Variants in OXSM observed in about 807,000 individuals in gnomAD.
The protein encoded by OXSM is 3-oxoacyl-[acyl-carrier-protein] synthase, mitochondrial.
OXSM carries 19 observed loss-of-function variants against 29.2 expected under a neutral mutation model. That is an observed-to-expected ratio of 0.65 (90% CI 0.45 to 0.96). OXSM has a LOEUF of 0.96. Ranked by LOEUF, OXSM falls within the 40% of genes least tolerant of loss-of-function variation. OXSM has a pLI of 0.00. For missense variants in OXSM, 554 were observed against 551.3 expected (o/e 1.00, Z -0.05); for synonymous variants, 178 against 197.1 (o/e 0.90, Z 0.81).
chr3:25,790,995 T>G lies in OXSM; in HGVS notation c.-26T>G, dbSNP rs1708730808. 1 of 1,592,654 alleles carries G rather than the reference T, an allele frequency of 6.3e-7. No homozygotes were observed. The highest frequency in any genetic ancestry group is 1.1e-5 in the South Asian group (1 of 87,760). On this transcript the variant is annotated 5_prime_UTR_variant, in exon 2 of 3. Transcript: ENST00000280701. Reference sequence around the variant, plus strand: ...TGTGTTGTGGTCTTTTACAGGAATGTGTTTCTGATCATCTGAATCTTAATC... The same window carrying G: ...TGTGTTGTGGTCTTTTACAGGAATGGGTTTCTGATCATCTGAATCTTAATC...
chr3:25,793,717 G>A (rs1156795993), intron 2 of OXSM, among the ~76,000 whole-genome samples: 2 of 152,144 alleles, frequency 1.3e-5, no homozygotes, highest in Non-Finnish European at 2.9e-5. Context: ...ATAAAAAATT[G>A]CCACACTCCA....
chr3:25,791,296 G>GC lies in OXSM; in HGVS notation c.278dup (p.Arg94LysfsTer3), dbSNP rs1559568089. 1.2e-6 allele frequency: 2 copies of GC among 1,614,124 alleles called. No individual in the cohort carries two copies. Among genetic ancestry groups the GC allele is most frequent in the South Asian group, 2.2e-5 (2 of 91,078 alleles). On this transcript the variant is annotated frameshift_variant, in exon 2 of 3. Transcript: ENST00000280701. LOFTEE classifies it high-confidence loss of function. ...TCCCTTGCAGTGTTGCTGCTTATGT[G>GC]CCAAGAGGTAGTGATGAAGGTCAGT...
intron 2 of OXSM, among the ~76,000 whole-genome samples, chr3:25,792,433 G>A (rs1168104978): frequency 6.6e-6 from 1 of 152,124 alleles, no homozygotes; most frequent in Non-Finnish European, 1.5e-5. Flanking sequence ...ATCACCTAGG[G>A]ATCTTATTTA....
At position 25,794,371 on chromosome 3, in the gene OXSM, A is replaced by G. The variant is rs755494005; in HGVS notation, c.1257A>G (p.Glu419=). The G allele has an allele frequency of 5.2e-5, 84 of 1,614,106 alleles. No homozygotes were observed. Among genetic ancestry groups the G allele is most frequent in the Admixed American group, 2.7e-4 (16 of 60,010 alleles). ...PTLNLDCSEP[E]FDLNYVPLKA... ...TAAACCTGGATTGTTCGGAACCAGA[A>G]TTTGATCTCAACTATGTTCCACTAA... Residue 419 remains glutamate, a synonymous_variant, in exon 3 of 3, where the codon GAA becomes GAG. Coordinates refer to ENST00000280701, the MANE Select transcript of OXSM (RefSeq NM_017897.3).
chr3:25,793,404 T>C (rs1708808364), intron 2 of OXSM, among the ~76,000 whole-genome samples: 1 of 152,186 alleles, frequency 6.6e-6, no homozygotes, highest in South Asian at 2.1e-4. Context: ...TACTTCAAAT[T>C]ATACTCTGAG....
In OXSM at chr3:25,791,552, T is replaced by A; in HGVS notation, c.532T>A (p.Phe178Ile). The part of the protein sequence containing the change: ...QTKGYNKVSP[F>I]FVPKILVNMA... ...AAAAGGTTACAATAAAGTTAGCCCA[T>A]TTTTTGTCCCTAAGATTCTGGTCAA... Residue 178 changes from phenylalanine to isoleucine, a missense_variant, in exon 2 of 3, where the codon TTT becomes ATT. Physicochemically the swap from Phe to Ile is conservative, Grantham distance 21. Transcript: ENST00000280701. 2 of 1,614,178 alleles carry A rather than the reference T, an allele frequency of 1.2e-6. No individual in the cohort carries two copies. The highest frequency in any genetic ancestry group is 1.7e-6 in the Non-Finnish European group (2 of 1,180,006).
intron 2 of OXSM, 108 bp from the exon 3 acceptor site, chr3:25,793,984 T>A: frequency 1.1e-6 from 1 of 886,012 alleles, no homozygotes; most frequent in Non-Finnish European, 1.7e-6. Flanking sequence ...ATTCTTTTCA[T>A]CCAGTGTACT....
At position 25,791,122 on chromosome 3, in the gene OXSM, T is replaced by C; in HGVS notation, c.102T>C (p.Thr34=). The change falls in exon 2 of 3, where the codon ACT becomes ACC. Residue 34 remains threonine (T), a synonymous_variant. Transcript: ENST00000280701. ...GAAGTAAAAGGAAGTTTTTCGGAAC[T>C]GTGCCAATATCCAGATTGCATAGGC... ...QLRSKRKFFG[T]VPISRLHRRV... is the part of the protein sequence containing the mutation. 6.2e-7 allele frequency: 1 copy of C among 1,614,246 alleles called. No individual in the cohort carries two copies. Among genetic ancestry groups the C allele is most frequent in the Non-Finnish European group, 8.5e-7 (1 of 1,180,034 alleles).
At chr3:25,792,368 T>G (rs1229946940) in intron 2 of OXSM, among the ~76,000 whole-genome samples, 3 of 152,358 alleles carry the variant, frequency 2.0e-5, no homozygotes, top group East Asian at 3.9e-4. Context: ...GTGTCTGGTT[T>G]TGCTCCATTT....
At position 25,794,403 on chromosome 3, in the gene OXSM, A is replaced by G. The variant is rs377612765; in HGVS notation, c.1289A>G (p.Gln430Arg). The G allele has an allele frequency of 1.2e-6, 2 of 1,614,110 alleles. No homozygotes were observed. Among genetic ancestry groups the G allele is most frequent in the Admixed American group, 1.7e-5 (1 of 60,032 alleles). The change falls in exon 3 of 3, where the codon CAG (glutamine) becomes CGG (arginine). Residue 430 changes from glutamine (Q) to arginine (R), a missense_variant. Transcript: ENST00000280701. ...FDLNYVPLKA[Q>R]EWKTEKRFIG... ...CTCAACTATGTTCCACTAAAGGCAC[A>G]GGAATGGAAAACTGAGAAAAGATTT...
chr3:25,791,799 C>T lies in OXSM; in HGVS notation c.779C>T (p.Pro260Leu), dbSNP rs775756515. Reference sequence around the variant, plus strand: ...CGGGCTCTGAGCACAAACTCAGATCCCAAGTTGGCATGTCGACCATTTCAT... The same window carrying T: ...CGGGCTCTGAGCACAAACTCAGATCTCAAGTTGGCATGTCGACCATTTCAT... ...RARALSTNSD[P>L]KLACRPFHPK... Residue 260 changes from proline (P) to leucine (L), a missense_variant, in exon 2 of 3, where the codon CCC (proline) becomes CTC (leucine). By Grantham distance (98) the Pro-to-Leu change is moderately conservative (BLOSUM62 -3). Coordinates refer to ENST00000280701, the MANE Select transcript of OXSM (RefSeq NM_017897.3). 1 of 1,613,992 alleles carries T rather than the reference C, an allele frequency of 6.2e-7. No individual in the cohort carries two copies. The highest frequency in any genetic ancestry group is 1.3e-5 in the African/African-American group (1 of 74,886).
chr3:25,794,526 T>A lies in OXSM; in HGVS notation c.*32T>A, dbSNP rs779194093. 49 of 1,443,596 alleles carry A rather than the reference T, an allele frequency of 3.4e-5. No individual in the cohort carries two copies. Among genetic ancestry groups the A allele is most frequent in the Non-Finnish European group, 4.4e-5 (47 of 1,058,396 alleles). The allele number at this position is 1,443,596 out of a possible 1,614,324, so 89.4% of individuals were successfully genotyped here. On this transcript the variant is annotated 3_prime_UTR_variant, in exon 3 of 3. Transcript: ENST00000280701. ...TAATTTGTAATTAAATACTGATTTT[T>A]AAATGCTATATGTGAAGAAATTATG... is the stretch of plus-strand genomic sequence containing the variant.
At position 25,791,060 on chromosome 3, in the gene OXSM, A is replaced by G. The variant is rs1307017337; in HGVS notation, c.40A>G (p.Thr14Ala). The part of the protein sequence containing the change: ...CLQNFLKITS[T>A]RLLCSRLCQQ... Reference sequence around the variant, plus strand: ...GCAAAATTTCCTGAAAATTACAAGCACTCGTCTTCTATGTTCAAGATTATG... The same window carrying G: ...GCAAAATTTCCTGAAAATTACAAGCGCTCGTCTTCTATGTTCAAGATTATG... The change falls in exon 2 of 3, where the codon ACT becomes GCT. Residue 14 changes from threonine to alanine, a missense_variant. Coordinates refer to ENST00000280701, the MANE Select transcript of OXSM (RefSeq NM_017897.3). The G allele has an allele frequency of 6.2e-7, 1 of 1,613,048 alleles. No homozygotes were observed. Among genetic ancestry groups the G allele is most frequent in the Non-Finnish European group, 8.5e-7 (1 of 1,179,290 alleles).
chr3:25,791,082 T>A lies in OXSM; in HGVS notation c.62T>A (p.Leu21Ter). ...ITSTRLLCSRLCQQLRSKRKF... is the reference protein window; with the variant it reads ...ITSTRLLCSR The stretch of plus-strand genomic sequence containing the variant: ...AGCACTCGTCTTCTATGTTCAAGAT[T>A]ATGCCAACAGTTAAGAAGTAAAAGG... The change falls in exon 2 of 3, where the codon TTA (leucine) becomes TAA (stop). Residue 21 changes from leucine (L) to a stop codon, truncating the protein, a stop_gained. Transcript: ENST00000280701. LOFTEE classifies it high-confidence loss of function. 2 of 1,614,144 alleles carry A rather than the reference T, an allele frequency of 1.2e-6. No homozygotes were observed. The highest frequency in any genetic ancestry group is 1.1e-5 in the South Asian group (1 of 91,086).
In OXSM at chr3:25,794,486, G is replaced by C; in HGVS notation, c.1372G>C (p.Gly458Arg). ...GGTNATLCIA[G>R]L The stretch of plus-strand genomic sequence containing the variant: ...TACTAATGCAACACTTTGTATTGCT[G>C]GACTGTAGAACATATAATTTGTAAT... The change falls in exon 3 of 3, where the codon GGA becomes CGA. Residue 458 changes from glycine (G) to arginine (R), a missense_variant. Coordinates refer to ENST00000280701, the MANE Select transcript of OXSM (RefSeq NM_017897.3). 6.3e-7 allele frequency: 1 copy of C among 1,593,706 alleles called. No individual in the cohort carries two copies.
At chr3:25,793,579 T>G (rs1445241268) in intron 2 of OXSM, among the ~76,000 whole-genome samples, 1 of 152,220 alleles carries the variant, frequency 6.6e-6, no homozygotes, top group Non-Finnish European at 1.5e-5. Context: ...TACTTTTTGT[T>G]TAGAATTCTT....
chr3:25,790,145 C>A lies in OXSM; in HGVS notation c.-34C>A. On this transcript the variant is annotated splice_region_variant and 5_prime_UTR_variant, in exon 1 of 3. Coordinates refer to ENST00000280701, the MANE Select transcript of OXSM (RefSeq NM_017897.3). ...AGAAGTGTCCGGGGTAGCCCCGTTA[C>A]AGGTATCGCTGGCTACCCTCCTCCT... 3.9e-6 allele frequency: 2 copies of A among 510,570 alleles called. No individual in the cohort carries two copies. The highest frequency in any genetic ancestry group is 7.0e-6 in the Non-Finnish European group (2 of 286,926). 31.6% of individuals were successfully genotyped at this position (510,570 alleles called of 1,614,324 possible). A position where few individuals can be genotyped will look rare whatever the true frequency, so the allele number is the denominator to read the frequency against.
chr3:25,792,770 A>G (rs1708789290), intron 2 of OXSM, among the ~76,000 whole-genome samples: 2 of 152,224 alleles, frequency 1.3e-5, no homozygotes, highest in Admixed American at 1.3e-4. Flanking sequence ...ACTGTTATAG[A>G]TTAGTGCATT....
At position 25,791,627 on chromosome 3, in the gene OXSM, C is replaced by G. The variant is rs1708755613; in HGVS notation, c.607C>G (p.His203Asp). Residue 203 changes from histidine to aspartate, a missense_variant, in exon 2 of 3, where the codon CAT (histidine) becomes GAT (aspartate). Transcript: ENST00000280701. ...SIRYKLKGPNHAVSTACTTGA... is the reference protein window; with the variant it reads ...SIRYKLKGPNDAVSTACTTGA... ...TCGATATAAACTCAAGGGCCCAAAT[C>G]ATGCAGTATCCACAGCCTGTACCAC... The G allele has an allele frequency of 6.2e-7, 1 of 1,614,096 alleles. No homozygotes were observed. Among genetic ancestry groups the G allele is most frequent in the Non-Finnish European group, 8.5e-7 (1 of 1,180,054 alleles).
Sources: gnomAD v4.1 joint callset for allele counts (sites outside exome capture counted in the v4.1 genomes callset) on GRCh38, gnomAD v4.1.1 for gene constraint, MANE v1.5 for transcripts, NCBI Gene and HGNC (gene_info 2026-07-23, HGNC 2026-07-21) for gene names.